The following BICC1 variants were observed in gnomAD, a reference collection of about 807,000 sequenced individuals.
The protein encoded by BICC1 is protein bicaudal C homolog 1.
A neutral mutation model predicts 111.0 loss-of-function variants in BICC1; 43 were observed. The observed-to-expected ratio is 0.39, with a 90% CI of 0.30 to 0.50. The LOEUF (loss-of-function observed/expected upper bound fraction) is 0.50, where lower values mean the gene tolerates loss of function less well. Among genes scored for constraint, BICC1 ranks in the 20% least tolerant of loss-of-function variants. The pLI is 0.88. For synonymous variants in BICC1, 467 were observed against 434.4 expected (o/e 1.07, Z -0.93); for missense variants, 1,091 against 1,203.2 (o/e 0.91, Z 1.38).
chr10:58,707,785 C>G (rs995179304), intron 3 of BICC1, among the ~76,000 whole-genome samples: 1 of 152,080 alleles, frequency 6.6e-6, no homozygotes, highest in Non-Finnish European at 1.5e-5. Context: ...GCAACCTCCA[C>G]CTCCTGGGTT....
intron 2 of BICC1, among the ~76,000 whole-genome samples, chr10:58,673,149 T>C (rs540202890): frequency 6.6e-6 from 1 of 152,346 alleles, no homozygotes; most frequent in South Asian, 2.1e-4. Flanking sequence ...ATTTTTGAAA[T>C]GTATAAATTC....
intron 9 of BICC1, among the ~76,000 whole-genome samples, chr10:58,795,337 T>G (rs1843318663): frequency 6.6e-6 from 1 of 152,214 alleles, no homozygotes; most frequent in Non-Finnish European, 1.5e-5. Context: ...GAACTTGATA[T>G]AATTAGTTTA....
At chr10:58,725,301 T>C (rs1343467045) in intron 3 of BICC1, among the ~76,000 whole-genome samples, 1 of 152,218 alleles carries the variant, frequency 6.6e-6, no homozygotes, top group Non-Finnish European at 1.5e-5. Context: ...TCGTTCCATC[T>C]GTGACTTCCA....
intron 3 of BICC1, among the ~76,000 whole-genome samples, chr10:58,771,793 C>T (rs531920720): frequency 1.3e-5 from 2 of 152,164 alleles, no homozygotes; most frequent in Non-Finnish European, 2.9e-5. Flanking sequence ...TCTTTGAAAA[C>T]CACAGCAGAC....
chr10:58,560,674 G>C (rs1843579431), intron 1 of BICC1, among the ~76,000 whole-genome samples: 1 of 151,746 alleles, frequency 6.6e-6, no homozygotes, highest in Non-Finnish European at 1.5e-5. Context: ...CCACTGTTTT[G>C]ATGTAGGTGT....
intron 1 of BICC1, among the ~76,000 whole-genome samples, chr10:58,599,297 A>G (rs1292106112): frequency 6.6e-6 from 1 of 152,216 alleles, no homozygotes; most frequent in African/African-American, 2.4e-5. Flanking sequence ...TGGCACATAT[A>G]CACCATGGAA....
chr10:58,682,385 T>G (rs1192128688), intron 2 of BICC1, among the ~76,000 whole-genome samples: 1 of 152,176 alleles, frequency 6.6e-6, no homozygotes, highest in Non-Finnish European at 1.5e-5. Context: ...ATATACCTAG[T>G]AATAGGATGG....
intron 2 of BICC1, among the ~76,000 whole-genome samples, chr10:58,659,727 C>T (rs1439998647): frequency 6.6e-6 from 1 of 152,102 alleles, no homozygotes; most frequent in East Asian, 1.9e-4. Context: ...AAAAGACTGT[C>T]TTTCAGAATT....
chr10:58,617,223 C>T (rs1220272823), intron 1 of BICC1, among the ~76,000 whole-genome samples: 2 of 152,242 alleles, frequency 1.3e-5, no homozygotes, highest in East Asian at 1.9e-4. Flanking sequence ...CTACAGTCGT[C>T]GTGCGGATGA....
At chr10:58,592,050 A>G (rs1844637085) in intron 1 of BICC1, among the ~76,000 whole-genome samples, 2 of 152,346 alleles carry the variant, frequency 1.3e-5, no homozygotes, top group South Asian at 4.1e-4. Context: ...AATTTTATAA[A>G]TGTGATTTTA....
At chr10:58,614,424 G>T (rs1281692969) in intron 1 of BICC1, among the ~76,000 whole-genome samples, 2 of 152,158 alleles carry the variant, frequency 1.3e-5, no homozygotes, top group African/African-American at 2.4e-5. Context: ...GTAAAATCAG[G>T]CTCAGATTTA....
intron 9 of BICC1, among the ~76,000 whole-genome samples, chr10:58,794,254 A>T (rs2132836042): frequency 6.6e-6 from 1 of 151,152 alleles, no homozygotes; most frequent in Non-Finnish European, 1.5e-5. Flanking sequence ...TACTTACTAT[A>T]TGCCATCTCC....
chr10:58,819,127 T>G (rs1002586170), intron 19 of BICC1, among the ~76,000 whole-genome samples: 3 of 152,162 alleles, frequency 2.0e-5, no homozygotes, highest in African/African-American at 7.2e-5. Context: ...TGTTTACATA[T>G]TGTCTATGGC....
intron 3 of BICC1, among the ~76,000 whole-genome samples, chr10:58,724,243 C>T (rs1169705839): frequency 6.6e-6 from 1 of 152,176 alleles, no homozygotes; most frequent in East Asian, 1.9e-4. Context: ...TTAGATGTTA[C>T]ATAATCTAAG....
intron 1 of BICC1, among the ~76,000 whole-genome samples, chr10:58,564,081 A>G (rs1203678308): frequency 1.3e-5 from 2 of 152,222 alleles, no homozygotes; most frequent in Non-Finnish European, 1.5e-5. Context: ...TTAATTTAAA[A>G]TATTTTTTGT....
chr10:58,771,526 G>A (rs1370487315), intron 3 of BICC1, among the ~76,000 whole-genome samples: 1 of 152,078 alleles, frequency 6.6e-6, no homozygotes, highest in Non-Finnish European at 1.5e-5. Flanking sequence ...ACCAGCGGAG[G>A]TAGAGATTTA....
At chr10:58,539,803 A>G (rs1842914935) in intron 1 of BICC1, among the ~76,000 whole-genome samples, 1 of 151,916 alleles carries the variant, frequency 6.6e-6, no homozygotes, top group African/African-American at 2.4e-5. Context: ...TACATACAGA[A>G]CACTGCACAC....
Position 58,586,475 on chromosome 10 carries a change from C to G in BICC1, c.191-34380C>G, listed in dbSNP as rs1348966591. On this transcript the variant is annotated intron_variant, in intron 1 of 20. Coordinates refer to ENST00000373886, the MANE Select transcript of BICC1 (RefSeq NM_001080512.3). ...TGAATAAGATTCATGCAGAGTACTT[C>G]CTGTAATACCAGCTACTCGGGTGGC... Among the ~76,000 whole-genome samples, 4 of 151,766 alleles carry G rather than the reference C, an allele frequency of 2.6e-5. No individual in the cohort carries two copies. In the East Asian group the frequency reaches 7.8e-4, roughly 29 times the overall value.
At chr10:58,626,722 C>T (rs1353432422) in intron 2 of BICC1, among the ~76,000 whole-genome samples, 1 of 152,196 alleles carries the variant, frequency 6.6e-6, no homozygotes, top group African/African-American at 2.4e-5. Flanking sequence ...AGTCATTTCA[C>T]ACAACCTCTT....
Sources: gnomAD v4.1 joint callset for allele counts (sites outside exome capture counted in the v4.1 genomes callset) on GRCh38, gnomAD v4.1.1 for gene constraint, MANE v1.5 for transcripts, NCBI Gene and HGNC (gene_info 2026-07-23, HGNC 2026-07-21) for gene names.